Variants in BICC1 observed in about 807,000 individuals in gnomAD.
BICC1 encodes the protein protein bicaudal C homolog 1.
Under a neutral mutation model 111.0 loss-of-function variants are expected in BICC1, and 43 were observed. That is an observed-to-expected ratio of 0.39 (90% CI 0.30 to 0.50). The LOEUF (loss-of-function observed/expected upper bound fraction) is 0.50. BICC1 is among the 20% of genes least tolerant of loss of function. The probability of loss-of-function intolerance (pLI) is 0.88; values close to 1 mark genes in which losing one functional copy is unlikely to be tolerated. For missense variants in BICC1, 1,091 were observed against 1,203.2 expected (o/e 0.91, Z 1.38); for synonymous variants, 467 against 434.4 (o/e 1.07, Z -0.93).
rs760904194 is a variant in BICC1, at chr10:58,813,930, G to A, written c.2477G>A (p.Ser826Asn). Reference sequence around the variant, plus strand: ...GACCGAAATGGAATTGGACCTGGAAGTCATAGTGAATTTGCAGCTTCTATT... The same window carrying A: ...GACCGAAATGGAATTGGACCTGGAAATCATAGTGAATTTGCAGCTTCTATT... ...WRDRNGIGPG[S>N]HSEFAASIGS... Residue 826 changes from serine to asparagine, a missense_variant, in exon 18 of 21, where the codon AGT (serine) becomes AAT (asparagine). Ser to Asn is a conservative substitution (Grantham distance 46, BLOSUM62 1). This residue lies in a region of BICC1 where 231 missense variants were observed against 256.2 expected (regional missense o/e 0.90). Transcript: ENST00000373886. 13 of 1,613,942 alleles carry A rather than the reference G, an allele frequency of 8.1e-6. No individual in the cohort carries two copies. Among genetic ancestry groups the A allele is most frequent in the Non-Finnish European group, 1.0e-5 (12 of 1,179,938 alleles).
intron 2 of BICC1, among the ~76,000 whole-genome samples, chr10:58,657,884 A>C (rs1159441022): frequency 1.3e-5 from 2 of 152,156 alleles, no homozygotes; most frequent in Non-Finnish European, 2.9e-5. Flanking sequence ...ACCAGTCCCC[A>C]GTTGATATGT....
At chr10:58,763,788 T>C (rs1842384127) in intron 3 of BICC1, among the ~76,000 whole-genome samples, 1 of 151,374 alleles carries the variant, frequency 6.6e-6, no homozygotes, top group Non-Finnish European at 1.5e-5. Context: ...TTACTAGGCG[T>C]TTGAGACTAG....
chr10:58,742,431 A>ATTTTTTTTTT (rs554670544), intron 3 of BICC1, among the ~76,000 whole-genome samples: 3 of 94,166 alleles, frequency 3.2e-5, no homozygotes, highest in East Asian at 2.9e-4. Flanking sequence ...GTATGCTTTA[A>ATTTTTTTTTT]TTTTTTTTTT....
chr10:58,643,660 A>G (rs1255796132), intron 2 of BICC1, among the ~76,000 whole-genome samples: 1 of 152,252 alleles, frequency 6.6e-6, no homozygotes, highest in East Asian at 1.9e-4. Flanking sequence ...TGAAGGGAAA[A>G]TAAGTGTTGG....
At chr10:58,762,798 TACTTTAAAA>T (rs916548289) in intron 3 of BICC1, among the ~76,000 whole-genome samples, 5 of 151,904 alleles carry the variant, frequency 3.3e-5, no homozygotes, top group African/African-American at 1.2e-4. Context: ...CTTGAAAATG[TACTTTAAAA>T]ACTTTAAAAA....
rs774233238 is a variant in BICC1, at chr10:58,749,746, A to G, written c.308-35255A>G. 1.4e-3 allele frequency among the ~76,000 whole-genome samples: 211 copies of G among 152,178 alleles called. 6 individuals are homozygous for G. Among genetic ancestry groups the G allele is most frequent in the Non-Finnish European group, 3.4e-4 (23 of 68,020 alleles). ...AGACCCTTAGTTGAATAAATCAAGG[A>G]TTGAAGAAATGTCCAAGGAGCCAGG... is the stretch of plus-strand genomic sequence containing the variant. On this transcript the variant is annotated intron_variant, in intron 3 of 20. Coordinates refer to ENST00000373886, the MANE Select transcript of BICC1 (RefSeq NM_001080512.3).
chr10:58,715,661 A>G (rs1481405000), intron 3 of BICC1: 2 of 1,601,280 alleles, frequency 1.2e-6, no homozygotes, highest in African/African-American at 2.7e-5. Flanking sequence ...ATCTGAATTG[A>G]CCAAGGCCTA....
rs73297881 is a variant in BICC1, at chr10:58,710,532, G to T, written c.307+8389G>T. Among the ~76,000 whole-genome samples the T allele has an allele frequency of 9.2e-3, 1,402 of 152,270 alleles. 15 individuals carry two copies. Among genetic ancestry groups the T allele is most frequent in the African/African-American group, 0.032 (1,313 of 41,530 alleles). On this transcript the variant is annotated intron_variant, in intron 3 of 20. Coordinates refer to ENST00000373886, the MANE Select transcript of BICC1 (RefSeq NM_001080512.3). ...GAAATTAGATTTTACCGTTTAAAAA[G>T]ATGAAACCACTCAAAGGTGTGTACA...
chr10:58,535,853 T>C (rs1488173520), intron 1 of BICC1, among the ~76,000 whole-genome samples: 1 of 151,226 alleles, frequency 6.6e-6, no homozygotes, highest in Non-Finnish European at 1.5e-5. Flanking sequence ...CAAGGATTCT[T>C]ATAGACCCAA....
chr10:58,662,630 G>T (rs1428109470), intron 2 of BICC1, among the ~76,000 whole-genome samples: 1 of 152,188 alleles, frequency 6.6e-6, no homozygotes, highest in Non-Finnish European at 1.5e-5. Flanking sequence ...AGAAGGGCAT[G>T]ACATGACCCC....
At chr10:58,739,061 T>G (rs1380147694) in intron 3 of BICC1, among the ~76,000 whole-genome samples, 1 of 152,102 alleles carries the variant, frequency 6.6e-6, no homozygotes, top group African/African-American at 2.4e-5. Flanking sequence ...CTTTTCCTAA[T>G]TGAATACCCT....
chr10:58,712,125 G>A (rs1195681633), intron 3 of BICC1, among the ~76,000 whole-genome samples: 1 of 152,146 alleles, frequency 6.6e-6, no homozygotes, highest in African/African-American at 2.4e-5. Flanking sequence ...TGTACCATTA[G>A]AGTTGCAAAT....
At chr10:58,608,308 G>C (rs1412748682) in intron 1 of BICC1, among the ~76,000 whole-genome samples, 3 of 152,142 alleles carry the variant, frequency 2.0e-5, no homozygotes, top group Non-Finnish European at 4.4e-5. Context: ...CAGCTTACGG[G>C]ATTCCCTTTC....
At chr10:58,707,508 A>G (rs999543379) in intron 3 of BICC1, among the ~76,000 whole-genome samples, 1 of 151,998 alleles carries the variant, frequency 6.6e-6, no homozygotes, top group Non-Finnish European at 1.5e-5. Flanking sequence ...ATAGAGTGTA[A>G]GGGCATTGTT....
intron 17 of BICC1, among the ~76,000 whole-genome samples, chr10:58,812,851 T>C (rs1214511672): frequency 1.3e-5 from 2 of 152,152 alleles, no homozygotes; most frequent in African/African-American, 4.8e-5. Context: ...TCATTACTTT[T>C]TGAAAGGACT....
intron 1 of BICC1, among the ~76,000 whole-genome samples, chr10:58,523,073 AC>A: frequency 6.6e-6 from 1 of 152,318 alleles, no homozygotes; most frequent in Middle Eastern, 3.4e-3. Context: ...TAGCTTACCA[AC>A]CAAAAAAAGT....
intron 1 of BICC1, among the ~76,000 whole-genome samples, chr10:58,591,403 T>C (rs1023089430): frequency 6.6e-6 from 1 of 152,126 alleles, no homozygotes; most frequent in Non-Finnish European, 1.5e-5. Flanking sequence ...AATTCCCACT[T>C]CTGGAGGCTG....
At chr10:58,534,836 TAA>T (rs34819873) in intron 1 of BICC1, among the ~76,000 whole-genome samples, 1 of 150,220 alleles carries the variant, frequency 6.7e-6, no homozygotes, top group South Asian at 2.1e-4. Context: ...CAACACAAAT[TAA>T]AAAAAAATTA....
In BICC1 at chr10:58,540,066, T is replaced by C. The variant is rs191390979; in HGVS notation, c.190+26733T>C. ...TGAAATCATGGGAAATTAGAAAATATATTGAAAAATGAATATGAAAACACA... is the reference window on the plus strand; with the variant it reads ...TGAAATCATGGGAAATTAGAAAATACATTGAAAAATGAATATGAAAACACA... On this transcript the variant is annotated intron_variant, in intron 1 of 20. Coordinates refer to ENST00000373886, the MANE Select transcript of BICC1 (RefSeq NM_001080512.3). Among the ~76,000 whole-genome samples, 337 of 151,988 alleles carry C rather than the reference T, an allele frequency of 2.2e-3. 3 individuals are homozygous for C. Among genetic ancestry groups the C allele is most frequent in the African/African-American group, 7.5e-3 (310 of 41,528 alleles).
Sources: allele counts gnomAD v4.1 joint callset (sites outside exome capture counted in the v4.1 genomes callset), GRCh38; gene constraint gnomAD v4.1.1; regional missense constraint gnomAD v4.1.1; transcripts MANE v1.5; gene names NCBI Gene and HGNC (gene_info 2026-07-23, HGNC 2026-07-21).